CRTAC1: variants seen among roughly 807,000 people sequenced by gnomAD.
The protein encoded by CRTAC1 is cartilage acidic protein 1.
In CRTAC1, 37 loss-of-function variants were observed where a neutral mutation model predicts 67.8. The observed-to-expected ratio is 0.55, with a 90% confidence interval of 0.42 to 0.72. The LOEUF (loss-of-function observed/expected upper bound fraction) is 0.72. Ranked by LOEUF, CRTAC1 falls within the 30% of genes least tolerant of loss-of-function variation. CRTAC1 has a pLI of 0.00. For missense variants in CRTAC1, 780 were observed against 931.6 expected, an observed-to-expected ratio of 0.84 and a Z score of 2.12; for synonymous variants, 348 against 371.0, an observed-to-expected ratio of 0.94 and a Z score of 0.71.
At chr10:98,006,722 C>G (rs767368730) in intron 2 of CRTAC1, among the ~76,000 whole-genome samples, 1 of 152,112 alleles carries the variant, frequency 6.6e-6, no homozygotes, top group East Asian at 1.9e-4. Context: ...AGTTCAAGTA[C>G]GGAGCGCTTT....
chr10:97,911,976 G>T (rs914150611), intron 5 of CRTAC1, among the ~76,000 whole-genome samples: 4 of 152,184 alleles, frequency 2.6e-5, no homozygotes, highest in Non-Finnish European at 5.9e-5. Flanking sequence ...TTCTCTCGGA[G>T]CTGGAGAGGC....
rs1048452043 is a variant in CRTAC1, at chr10:97,865,582, G to C, written c.1952C>G (p.Ser651Trp). The part of the protein sequence containing the change: ...VLVDGDLNLG[S>W]VVKESCEPSC ...GGGCTCGCAGCTCTCCTTAACCACC[G>C]ACCCCAGATTGAGATCTCCATCTAC... Residue 651 changes from serine (S) to tryptophan (W), a missense_variant, in exon 15 of 15, where the codon TCG (serine) becomes TGG (tryptophan). By Grantham distance (177) the Ser-to-Trp change is radical. Coordinates refer to ENST00000370597, the MANE Select transcript of CRTAC1 (RefSeq NM_018058.7). 2 of 1,612,556 alleles carry C rather than the reference G, an allele frequency of 1.2e-6. No individual in the cohort carries two copies. Among genetic ancestry groups the C allele is most frequent in the African/African-American group, 2.7e-5 (2 of 74,890 alleles).
intron 14 of CRTAC1, among the ~76,000 whole-genome samples, chr10:97,873,767 G>A (rs959671950): frequency 6.6e-6 from 1 of 152,168 alleles, no homozygotes; most frequent in African/African-American, 2.4e-5. Flanking sequence ...GCAGGCTGAG[G>A]GCATGAGGTT....
intron 2 of CRTAC1, among the ~76,000 whole-genome samples, chr10:97,960,111 G>A (rs1342242282): frequency 6.6e-6 from 1 of 152,246 alleles, no homozygotes; most frequent in East Asian, 1.9e-4. Flanking sequence ...ATCAGTTCTG[G>A]GGATGGTAGG....
intron 2 of CRTAC1, among the ~76,000 whole-genome samples, chr10:97,950,312 A>AGGC (rs2051335576): frequency 6.7e-6 from 1 of 149,842 alleles, no homozygotes; most frequent in Non-Finnish European, 1.5e-5. Context: ...TCTGTAGCAG[A>AGGC]GGCAGCTGCC....
chr10:97,900,245 C>A (rs777295836), intron 8 of CRTAC1, among the ~76,000 whole-genome samples: 2 of 152,232 alleles, frequency 1.3e-5, no homozygotes, highest in Non-Finnish European at 2.9e-5. Context: ...CCTTGTCTAC[C>A]AGGAACCCTT....
intron 2 of CRTAC1, among the ~76,000 whole-genome samples, chr10:97,959,515 G>A (rs557698242): frequency 6.6e-6 from 1 of 152,220 alleles, no homozygotes; most frequent in Non-Finnish European, 1.5e-5. Context: ...ACAGGGCCTT[G>A]AGGCCCTGAG....
At chr10:97,970,537 A>G (rs1373424852) in intron 2 of CRTAC1, among the ~76,000 whole-genome samples, 1 of 152,138 alleles carries the variant, frequency 6.6e-6, no homozygotes, top group Non-Finnish European at 1.5e-5. Flanking sequence ...AGAGAAGGCT[A>G]CCGTGTTCCT....
intron 2 of CRTAC1, among the ~76,000 whole-genome samples, chr10:97,968,201 C>T (rs2051649394): frequency 6.6e-6 from 1 of 152,200 alleles, no homozygotes; most frequent in Non-Finnish European, 1.5e-5. Context: ...AGTAATTCTG[C>T]TGCTCCCTTA....
chr10:97,956,981 ATT>A (rs56688088), intron 2 of CRTAC1, among the ~76,000 whole-genome samples: 8 of 139,838 alleles, frequency 5.7e-5, no homozygotes, highest in Non-Finnish European at 3.1e-5. Flanking sequence ...TAATACTTGT[ATT>A]TTTTTTTTTT....
intron 3 of CRTAC1, among the ~76,000 whole-genome samples, chr10:97,931,384 A>C (rs2051001347): frequency 1.3e-5 from 2 of 152,366 alleles, no homozygotes; most frequent in South Asian, 4.1e-4. Context: ...ATGTTGTACA[A>C]ACTTATTCAT....
chr10:98,006,947 G>A (rs479907), intron 2 of CRTAC1, among the ~76,000 whole-genome samples: 52,736 of 152,014 alleles, frequency 0.35, 9,853 homozygotes, highest in African/African-American at 0.48. Flanking sequence ...AGATAATAAA[G>A]CAGAATTAAA....
chr10:97,882,632 GTCTT>G (rs2050230501), intron 13 of CRTAC1, among the ~76,000 whole-genome samples, 150 bp downstream of exon 13: 1 of 152,202 alleles, frequency 6.6e-6, no homozygotes, highest in Admixed American at 6.5e-5. Flanking sequence ...TGTGGTGGTT[GTCTT>G]GGCATCTGGA....
chr10:97,918,368 C>T (rs1031307622), intron 4 of CRTAC1, among the ~76,000 whole-genome samples: 7 of 152,208 alleles, frequency 4.6e-5, no homozygotes, highest in East Asian at 1.9e-4. Context: ...TAGTCCAAAA[C>T]ACTGCTGATG....
intron 1 of CRTAC1, among the ~76,000 whole-genome samples, chr10:98,020,110 T>C (rs1175045865): frequency 6.6e-6 from 1 of 152,158 alleles, no homozygotes; most frequent in Admixed American, 6.5e-5. Flanking sequence ...ACCTGAACAA[T>C]AGCAATACCT....
At position 97,895,650 on chromosome 10, in the gene CRTAC1, G is replaced by C. The variant is rs1029477301; in HGVS notation, c.1317+235C>G. Among the ~76,000 whole-genome samples the C allele has an allele frequency of 6.6e-6, 1 of 152,212 alleles. No homozygotes were observed. The highest frequency in any genetic ancestry group is 2.4e-5 in the African/African-American group (1 of 41,458). On this transcript the variant is annotated intron_variant, in intron 10 of 14. Coordinates refer to ENST00000370597, the MANE Select transcript of CRTAC1 (RefSeq NM_018058.7). This position sits in a 1 kb window ranked among gnomAD's most constrained non-coding sequence, Gnocchi z 4.2. ...GGAGACAAAAGCCGAGGGACTCAGG[G>C]CACAGTGTTTGGCAGATAAATGATA...
At position 97,963,664 on chromosome 10, in the gene CRTAC1, G is replaced by A. The variant is rs1250817236; in HGVS notation, c.225-27298C>T. On this transcript the variant is annotated intron_variant, in intron 2 of 14. Transcript: ENST00000370597. ...CCTATAAAAAAATAGAAATTCCTCA[G>A]GAAGGTAGTATAATGCTTATTTGAT... Among the ~76,000 whole-genome samples the A allele has an allele frequency of 1.5e-4, 23 of 152,184 alleles. 1 individual carries two copies. Among genetic ancestry groups the A allele is most frequent in the Non-Finnish European group, 1.5e-5 (1 of 68,034 alleles).
chr10:98,003,799 C>T (rs1269242798), intron 2 of CRTAC1, among the ~76,000 whole-genome samples: 1 of 152,170 alleles, frequency 6.6e-6, no homozygotes, highest in Non-Finnish European at 1.5e-5. Flanking sequence ...GTGTGTCTGT[C>T]TGTCTGCCTG....
At chr10:98,025,004 T>C (rs1843198763) in intron 1 of CRTAC1, among the ~76,000 whole-genome samples, 1 of 152,098 alleles carries the variant, frequency 6.6e-6, no homozygotes, top group Admixed American at 6.5e-5. Flanking sequence ...ACAACAACTC[T>C]GGGGGAATCT....
Sources: allele counts gnomAD v4.1 joint callset (sites outside exome capture counted in the v4.1 genomes callset), GRCh38; gene constraint gnomAD v4.1.1; non-coding constraint Gnocchi (gnomAD v3.1); transcripts MANE v1.5; gene names NCBI Gene and HGNC (gene_info 2026-07-23, HGNC 2026-07-21).